The following MCF2 variants were observed in gnomAD, a reference collection of about 807,000 sequenced individuals.
MCF2 encodes the protein MCF.2 cell line derived transforming sequence.
In MCF2, 44 loss-of-function variants were observed where a neutral mutation model predicts 82.5. That is an observed-to-expected ratio of 0.53 (90% confidence interval 0.42 to 0.69). MCF2 has a LOEUF of 0.69. Among genes scored for constraint, MCF2 ranks in the 30% least tolerant of loss-of-function variants. The pLI is 0.00. For missense variants in MCF2, 623 were observed against 663.1 expected (o/e 0.94, Z 0.66); for synonymous variants, 217 against 224.9 (o/e 0.96, Z 0.32).
intron 1 of MCF2, among the ~76,000 whole-genome samples, chrX:139,678,304 TC>T (rs1377224734): frequency 8.9e-6 from 1 of 112,033 alleles, no homozygotes; most frequent in Non-Finnish European, 1.9e-5. Flanking sequence ...TCTAACAATT[TC>T]CACCTTCACG....
chrX:139,631,304 G>T lies in MCF2; in HGVS notation c.288+91C>A, dbSNP rs867689107. The T allele has an allele frequency of 6.0e-6, 3 of 496,893 alleles. No homozygotes were observed. In the African/African-American group the frequency reaches 7.5e-5, roughly 12 times the overall value. 40.9% of individuals were successfully genotyped at this position (496,893 alleles called of 1,213,427 possible). A position where few individuals can be genotyped will look rare whatever the true frequency, so the allele number is the denominator to read the frequency against. On this transcript the variant is annotated intron_variant, in intron 3 of 24. Coordinates refer to ENST00000370576, the Ensembl canonical transcript of MCF2. ...GGGTTTTTTTGTTTTGTTTTGTTTT[G>T]TTTTTTTCAAATAGGAAAGAATTCT... is the stretch of plus-strand genomic sequence containing the variant.
intron 10 of MCF2, among the ~76,000 whole-genome samples, chrX:139,612,011 A>G (rs1239378415): frequency 9.0e-6 from 1 of 110,868 alleles, no homozygotes; most frequent in East Asian, 2.8e-4. Context: ...AGAGACAGAA[A>G]GACTGTCACA....
chrX:139,599,278 G>A (rs1473395812), intron 16 of MCF2, among the ~76,000 whole-genome samples: 1 of 107,060 alleles, frequency 9.3e-6, no homozygotes, highest in African/African-American at 3.4e-5. Context: ...AAAAACCACA[G>A]TAACTTTTGC....
intron 12 of MCF2, 32 bp downstream of exon 16, chrX:139,607,659 T>C (rs757903819): frequency 6.1e-6 from 6 of 983,063 alleles, no homozygotes; most frequent in South Asian, 2.0e-5. Context: ...GTTAGATGTG[T>C]ATGTGAGTTT....
chrX:139,679,169 T>G (rs185940115), intron 1 of MCF2, among the ~76,000 whole-genome samples: 1 of 112,541 alleles, frequency 8.9e-6, no homozygotes, highest in Non-Finnish European at 1.9e-5. Context: ...GCATTCAATG[T>G]CATTTTACCA....
At chrX:139,583,407 T>C (rs924171405) in intron 24 of MCF2, among the ~76,000 whole-genome samples, 2 of 111,998 alleles carry the variant, frequency 1.8e-5, no homozygotes, top group African/African-American at 6.5e-5. Flanking sequence ...TACCATGGAA[T>C]ACTCTGCAGC....
At chrX:139,594,682 T>A (rs1385128236) in intron 19 of MCF2, among the ~76,000 whole-genome samples, 10 of 109,860 alleles carry the variant, frequency 9.1e-5, no homozygotes, top group Admixed American at 5.8e-4. Context: ...ACTTCATGTC[T>A]AAAACACCAA....
chrX:139,665,888 G>GGT (rs1345557591), intron 1 of MCF2, among the ~76,000 whole-genome samples: 73 of 67,585 alleles, frequency 1.1e-3, no homozygotes, highest in African/African-American at 3.5e-3. Flanking sequence ...GTACATGGTA[G>GGT]GTGTGTGTGT....
chrX:139,616,233 C>T, intron 9 of MCF2, 49 bp downstream of exon 12: 2 of 798,866 alleles, frequency 2.5e-6, no homozygotes, highest in Admixed American at 4.2e-5. Flanking sequence ...CACAGTACTG[C>T]AATTATAATT....
chrX:139,587,782 T>G (rs978892103), exon 22 of MCF2: 2 of 1,172,757 alleles, frequency 1.7e-6, no homozygotes, highest in Non-Finnish European at 2.3e-6. Flanking sequence ...TTGCTTTCTT[T>G]TTTTAACTGA....
intron 1 of MCF2, among the ~76,000 whole-genome samples, chrX:139,636,355 GA>G (rs1358682886): frequency 9.0e-6 from 1 of 111,692 alleles, no homozygotes; most frequent in African/African-American, 3.3e-5. Context: ...AAATGAAATT[GA>G]AAGCACCCTA....
chrX:139,681,054 C>A (rs908295749), intron 1 of MCF2, among the ~76,000 whole-genome samples: 5 of 112,184 alleles, frequency 4.5e-5, no homozygotes, highest in African/African-American at 1.6e-4. Context: ...TCAAAGATGC[C>A]CCCAAATATG....
chrX:139,588,334 T>C, intron 21 of MCF2, 26 bp downstream of exon 25: 2 of 1,150,304 alleles, frequency 1.7e-6, no homozygotes, highest in Admixed American at 2.2e-5. Flanking sequence ...TACTTCTTGT[T>C]CTGAAGAATG....
intron 1 of MCF2, among the ~76,000 whole-genome samples, chrX:139,669,341 A>G (rs1934615281): frequency 8.9e-6 from 1 of 112,385 alleles, no homozygotes; most frequent in South Asian, 3.7e-4. Context: ...ATACCACATC[A>G]CACCCAAGAG....
intron 1 of MCF2, among the ~76,000 whole-genome samples, chrX:139,659,055 C>T (rs1248417991): frequency 2.7e-5 from 3 of 111,104 alleles, no homozygotes; most frequent in Non-Finnish European, 3.8e-5. Flanking sequence ...TTTGGGAGGC[C>T]GAGGCAGGCG....
At chrX:139,617,995 G>T (rs1197859534) in intron 7 of MCF2, among the ~76,000 whole-genome samples, 2 of 110,979 alleles carry the variant, frequency 1.8e-5, no homozygotes, top group African/African-American at 6.5e-5. Flanking sequence ...CAGAATGTGG[G>T]TGAGATTTTT....
Position 139,596,585 on chromosome X carries a change from G to A in MCF2, c.2241C>T (p.Asp747=), listed in dbSNP as rs2235708. Reference sequence around the variant, plus strand: ...GTTTAAAACTGTATGACGGGTATCTGTCAGAGCCTTCTCCACTTTCAACAC... The same window carrying A: ...GTTTAAAACTGTATGACGGGTATCTATCAGAGCCTTCTCCACTTTCAACAC... The change falls in exon 19 of 25, where the codon GAC becomes GAT. Residue 747 remains aspartate, a synonymous_variant. Coordinates refer to ENST00000370576, the Ensembl canonical transcript of MCF2. 0.021 allele frequency: 25,770 copies of A among 1,208,139 alleles called. 499 individuals carry two copies. Among genetic ancestry groups the A allele is most frequent in the East Asian group, 0.11 (3,779 of 33,696 alleles).
intron 13 of MCF2, among the ~76,000 whole-genome samples, chrX:139,605,460 C>T (rs908584757): frequency 1.8e-5 from 2 of 111,356 alleles, no homozygotes; most frequent in African/African-American, 6.5e-5. Flanking sequence ...TTGTAACAAT[C>T]GGCTGTATCC....
intron 1 of MCF2, among the ~76,000 whole-genome samples, chrX:139,704,624 C>G (rs1247902233): frequency 9.0e-6 from 1 of 111,238 alleles, no homozygotes; most frequent in African/African-American, 3.3e-5. Flanking sequence ...ATAAAGAACA[C>G]AGTCTCACTC....
Sources: allele counts gnomAD v4.1 joint callset (sites outside exome capture counted in the v4.1 genomes callset), GRCh38; gene constraint gnomAD v4.1.1; transcripts MANE v1.5; gene names NCBI Gene and HGNC (gene_info 2026-07-23, HGNC 2026-07-21).